PNPLA1: variants seen among roughly 807,000 people sequenced by gnomAD.
PNPLA1 encodes the protein patatin like domain 1, omega-hydroxyceramide transacylase, also known as omega-hydroxyceramide transacylase.
Under a neutral mutation model 51.7 loss-of-function variants are expected in PNPLA1, and 36 were observed. The observed-to-expected ratio is 0.70, with a 90% CI of 0.53 to 0.92. The LOEUF (loss-of-function observed/expected upper bound fraction) is 0.92, where lower values mean the gene tolerates loss of function less well. PNPLA1 is among the 40% of genes least tolerant of loss of function. PNPLA1 has a pLI of 0.00. For missense variants in PNPLA1, 658 were observed against 682.5 expected (o/e 0.96, Z 0.40); for synonymous variants, 293 against 280.1 (o/e 1.05, Z -0.46).
At position 36,270,343 on chromosome 6, in the gene PNPLA1, C is replaced by T. The variant is rs1469605849; in HGVS notation, c.-117C>T. On this transcript the variant is annotated 5_prime_UTR_variant, in exon 1 of 9. Transcript: ENST00000636260. ...CGGGTAGAGACAGCCACATTCCAAG[C>T]TCCGGGGTGGCAGGGAAGCTGGGTA... is the stretch of plus-strand genomic sequence containing the variant. The T allele has an allele frequency of 2.8e-6, 3 of 1,068,470 alleles. No homozygotes were observed. The African/African-American group carries it at 4.7e-5, about 17-fold the overall frequency. 66.2% of individuals were successfully genotyped at this position (1,068,470 alleles called of 1,614,324 possible).
At chr6:36,298,173 A>G (rs1270855198) in intron 5 of PNPLA1, among the ~76,000 whole-genome samples, 3 of 152,208 alleles carry the variant, frequency 2.0e-5, no homozygotes, top group Non-Finnish European at 4.4e-5. Context: ...AATGTACCAC[A>G]GCTCATCTAC....
chr6:36,291,592 C>T (rs765321554), intron 2 of PNPLA1, 40 bp downstream of exon 2: 9 of 105,862 alleles, frequency 8.5e-5, no homozygotes, highest in African/African-American at 5.1e-4. Context: ...ACGGAGGGGG[C>T]GGGGGAGGGC....
upstream of PNPLA1, among the ~76,000 whole-genome samples, chr6:36,268,530 C>G (rs1769816333): frequency 6.6e-6 from 1 of 152,112 alleles, no homozygotes; most frequent in Admixed American, 6.5e-5. Flanking sequence ...CTTGCTGCTC[C>G]TCGACCAGTG....
intron 1 of PNPLA1, among the ~76,000 whole-genome samples, chr6:36,257,169 C>A (rs1221154717): frequency 6.6e-6 from 1 of 152,110 alleles, no homozygotes; most frequent in Non-Finnish European, 1.5e-5. Flanking sequence ...TCAGAGAAAA[C>A]CCTTCCCTGC....
chr6:36,285,492 A>G (rs962821422), intron 1 of PNPLA1, among the ~76,000 whole-genome samples: 5 of 152,204 alleles, frequency 3.3e-5, no homozygotes, highest in East Asian at 1.9e-4. Context: ...CCGCCTTTCT[A>G]TGATTTTTCA....
At chr6:36,267,018 A>T (rs1769775790), upstream of PNPLA1, among the ~76,000 whole-genome samples, 1 of 152,132 alleles carries the variant, frequency 6.6e-6, no homozygotes, top group Non-Finnish European at 1.5e-5. Context: ...AACTTATGGG[A>T]AGTCCAGTTT....
intron 8 of PNPLA1, among the ~76,000 whole-genome samples, chr6:36,309,323 T>C (rs1218044059): frequency 3.9e-5 from 6 of 152,128 alleles, no homozygotes. Context: ...CAGCCTGGGA[T>C]TCTTCTCACT....
At chr6:36,292,452 C>A (rs1770717991) in intron 2 of PNPLA1, among the ~76,000 whole-genome samples, 1 of 152,124 alleles carries the variant, frequency 6.6e-6, no homozygotes, top group South Asian at 2.1e-4. Context: ...AAACCACACA[C>A]AAGCCAGGCC....
chr6:36,302,305 C>G lies in PNPLA1; in HGVS notation c.1220C>G (p.Pro407Arg), dbSNP rs767288897. Residue 407 changes from proline to arginine, a missense_variant, in exon 6 of 9, where the codon CCG (proline) becomes CGG (arginine). Transcript: ENST00000636260. ...SPLSPQQQVQPSGSPARSLHS... is the reference protein window; with the variant it reads ...SPLSPQQQVQRSGSPARSLHS... ...CTGTCACCTCAGCAGCAGGTACAAC[C>G]GTCTGGATCACCAGCCAGATCCCTA... The G allele has an allele frequency of 1.9e-6, 3 of 1,613,958 alleles. No homozygotes were observed. Among genetic ancestry groups the G allele is most frequent in the Non-Finnish European group, 2.5e-6 (3 of 1,179,994 alleles).
chr6:36,282,802 C>T (rs1246654942), intron 1 of PNPLA1, among the ~76,000 whole-genome samples: 1 of 152,184 alleles, frequency 6.6e-6, no homozygotes, highest in African/African-American at 2.4e-5. Context: ...TCTCCTGCCT[C>T]AGCCTCCCAA....
intron 1 of PNPLA1, among the ~76,000 whole-genome samples, chr6:36,258,538 G>A (rs567052167): frequency 3.3e-5 from 5 of 152,298 alleles, no homozygotes; most frequent in African/African-American, 1.2e-4. Flanking sequence ...CATGTGGGAG[G>A]TTTGTGGTCC....
intron 1 of PNPLA1, among the ~76,000 whole-genome samples, chr6:36,289,580 C>A (rs763153943): frequency 2.0e-5 from 3 of 151,092 alleles, no homozygotes; most frequent in Non-Finnish European, 4.4e-5. Flanking sequence ...GAGGTCCCTG[C>A]TACACATATG....
rs1056296459 is a variant in PNPLA1, at chr6:36,294,793, T to C, written c.714+394T>C. On this transcript the variant is annotated intron_variant, in intron 4 of 8. Transcript: ENST00000636260. This position sits in a 1 kb window ranked among gnomAD's most constrained non-coding sequence, Gnocchi z 4.2. ...AGGGTTTTCCATTTTTAGAGAGTTA[T>C]GGGGGAAAGAAAAAAAGAAGAAAAA... Among the ~76,000 whole-genome samples the C allele has an allele frequency of 1.3e-5, 2 of 151,938 alleles. No homozygotes were observed. The highest frequency in any genetic ancestry group is 2.9e-5 in the Non-Finnish European group (2 of 67,992).
intron 2 of PNPLA1, among the ~76,000 whole-genome samples, chr6:36,292,383 G>T (rs1770714957): frequency 1.3e-5 from 2 of 151,964 alleles, no homozygotes; most frequent in African/African-American, 2.4e-5. Flanking sequence ...GCCCACTGCT[G>T]CAGTTTTCTC....
rs1392953460 is a variant in PNPLA1 at position 36,313,472 on chromosome 6, A to G, written c.*1586A>G. ...AAACTGCCCTTTGGAGCCTGAGGAGACCATATGCAAATTTAAGCCTGGTGG... is the reference window on the plus strand; with the variant it reads ...AAACTGCCCTTTGGAGCCTGAGGAGGCCATATGCAAATTTAAGCCTGGTGG... On this transcript the variant is annotated 3_prime_UTR_variant, in exon 9 of 9. Coordinates refer to ENST00000636260, the MANE Select transcript of PNPLA1 (RefSeq NM_001374623.1). Among the ~76,000 whole-genome samples, 7 of 152,154 alleles carry G rather than the reference A, an allele frequency of 4.6e-5. No homozygotes were observed. The highest frequency in any genetic ancestry group is 4.6e-4 in the Admixed American group (7 of 15,280).
At chr6:36,305,116 C>T (rs560730049) in intron 6 of PNPLA1, among the ~76,000 whole-genome samples, 20 of 152,266 alleles carry the variant, frequency 1.3e-4, no homozygotes, top group Admixed American at 5.9e-4. Context: ...ATCCAACCCG[C>T]GGCCCAGATG....
rs181087505 is a variant in PNPLA1 at position 36,291,342 on chromosome 6, C to T, written c.228C>T (p.Asn76=). 115 of 1,614,088 alleles carry T rather than the reference C, an allele frequency of 7.1e-5. No individual in the cohort carries two copies. The highest frequency in any genetic ancestry group is 8.9e-5 in the East Asian group (4 of 44,882). The part of the protein sequence containing the change: ...IEMDEYLRVL[N]VGVAEVKKSF... The stretch of plus-strand genomic sequence containing the variant: ...CAGATGAGTATCTCAGAGTCCTCAA[C>T]GTGGGTGTGGCCGAGGTGAAGAAAT... The change falls in exon 2 of 9, where the codon AAC becomes AAT. Residue 76 remains asparagine, a synonymous_variant. Transcript: ENST00000636260.
rs1771228239 is a variant in PNPLA1 at position 36,306,209 on chromosome 6, A to G, written c.1385-83A>G. The G allele has an allele frequency of 5.9e-6, 6 of 1,009,308 alleles. No individual in the cohort carries two copies. In the South Asian group the frequency reaches 9.1e-5, roughly 15 times the overall value. The allele number at this position is 1,009,308 out of a possible 1,614,324, so 62.5% of individuals were successfully genotyped here. A position where few individuals can be genotyped will look rare whatever the true frequency, so the allele number is the denominator to read the frequency against. On this transcript the variant is annotated intron_variant, in intron 6 of 8. Coordinates refer to ENST00000636260, the MANE Select transcript of PNPLA1 (RefSeq NM_001374623.1). ...TTCTTTGCTGTTTTTAAACATTCTCATTTACTGACTATTGCTATTTCAAAA... is the reference window on the plus strand; with the variant it reads ...TTCTTTGCTGTTTTTAAACATTCTCGTTTACTGACTATTGCTATTTCAAAA...
chr6:36,307,629 CAAG>C lies in PNPLA1; in HGVS notation c.1518_1520del (p.Lys506del), dbSNP rs1325409230. 17 of 1,613,718 alleles carry C rather than the reference CAAG, an allele frequency of 1.1e-5. No homozygotes were observed. The highest frequency in any genetic ancestry group is 1.4e-5 in the Non-Finnish European group (17 of 1,179,966). ...ACTCAAACTGGGTGAATAAGGTCTTCAAGAAGAACAAGCAAAAGACAAGTGGCA... is the reference window on the plus strand; with the variant it reads ...ACTCAAACTGGGTGAATAAGGTCTTCAAGAACAAGCAAAAGACAAGTGGCA... On this transcript the variant is annotated inframe_deletion, in exon 8 of 9. Transcript: ENST00000636260.
Sources: gnomAD v4.1 joint callset for allele counts (sites outside exome capture counted in the v4.1 genomes callset) on GRCh38, gnomAD v4.1.1 for gene constraint, Gnocchi (gnomAD v3.1) non-coding constraint, MANE v1.5 for transcripts, NCBI Gene and HGNC (gene_info 2026-07-23, HGNC 2026-07-21) for gene names.